Variants in GABRB2 observed in about 807,000 individuals in gnomAD.
The protein encoded by GABRB2 is gamma-aminobutyric acid type A receptor subunit beta2.
In GABRB2, 16 loss-of-function variants were observed where a neutral mutation model predicts 54.7. The ratio of observed to expected loss-of-function variants is 0.29; its 90% CI spans 0.20 to 0.44. GABRB2 has a LOEUF of 0.44. Among genes scored for constraint, GABRB2 ranks in the 20% least tolerant of loss-of-function variants. The probability of loss-of-function intolerance (pLI) is 1.00; values close to 1 mark genes in which losing one functional copy is unlikely to be tolerated. For synonymous variants in GABRB2, 244 were observed against 233.8 expected (o/e 1.04, Z -0.40); for missense variants, 355 against 644.0 (o/e 0.55, Z 4.86).
At chr5:161,314,267 C>T (rs961543037) in intron 9 of GABRB2, among the ~76,000 whole-genome samples, 1 of 152,216 alleles carries the variant, frequency 6.6e-6, no homozygotes, top group Non-Finnish European at 1.5e-5. Context: ...TTTAGGGAGC[C>T]ACAGTAGGTA....
intron 9 of GABRB2, among the ~76,000 whole-genome samples, chr5:161,304,668 C>A (rs1179651622): frequency 1.4e-5 from 2 of 143,736 alleles, no homozygotes; most frequent in Non-Finnish European, 3.0e-5. Context: ...GGTAAATAAA[C>A]TATAGATCAC....
At chr5:161,294,763 T>C (rs1179097868) in intron 9 of GABRB2, among the ~76,000 whole-genome samples, 2 of 152,228 alleles carry the variant, frequency 1.3e-5, no homozygotes, top group Non-Finnish European at 2.9e-5. Flanking sequence ...GAATTTATAG[T>C]CTTGATATGA....
intron 4 of GABRB2, among the ~76,000 whole-genome samples, chr5:161,430,728 T>C (rs1024978133): frequency 6.6e-6 from 1 of 152,162 alleles, no homozygotes; most frequent in African/African-American, 2.4e-5. Context: ...GATGTTCTGA[T>C]GTGAGTACTT....
chr5:161,448,891 T>C (rs543880215), intron 4 of GABRB2, among the ~76,000 whole-genome samples: 8 of 152,250 alleles, frequency 5.3e-5, no homozygotes, highest in South Asian at 2.1e-4. Flanking sequence ...AGAAAAGCAA[T>C]GGGCCAGCCA....
intron 5 of GABRB2, among the ~76,000 whole-genome samples, chr5:161,366,714 G>A (rs1754983807): frequency 6.6e-6 from 1 of 152,186 alleles, no homozygotes; most frequent in Non-Finnish European, 1.5e-5. Context: ...GGGAGGATGA[G>A]GTGGGTGGAT....
At chr5:161,389,615 CAG>C (rs769492071) in intron 5 of GABRB2, among the ~76,000 whole-genome samples, 1 of 148,892 alleles carries the variant, frequency 6.7e-6, no homozygotes, top group African/African-American at 2.5e-5. Context: ...GAGACAGAAA[CAG>C]AGAGAAAGAG....
At chr5:161,411,901 A>G (rs2113117121) in intron 4 of GABRB2, among the ~76,000 whole-genome samples, 1 of 152,300 alleles carries the variant, frequency 6.6e-6, no homozygotes, top group African/African-American at 2.4e-5. Flanking sequence ...GTTTTAAAAC[A>G]TTCCAAATGT....
chr5:161,344,743 G>T (rs577035488), intron 5 of GABRB2, among the ~76,000 whole-genome samples: 1 of 151,948 alleles, frequency 6.6e-6, no homozygotes, highest in African/African-American at 2.4e-5. Flanking sequence ...ACACATGTAC[G>T]CATATGTTTA....
intron 4 of GABRB2, among the ~76,000 whole-genome samples, chr5:161,444,373 A>T (rs1432765043): frequency 6.6e-6 from 1 of 152,168 alleles, no homozygotes. Flanking sequence ...TGAAGTTCTG[A>T]GACATGTTTC....
intron 5 of GABRB2, among the ~76,000 whole-genome samples, chr5:161,343,819 T>C (rs1038391541): frequency 6.6e-6 from 1 of 152,142 alleles, no homozygotes; most frequent in Non-Finnish European, 1.5e-5. Flanking sequence ...AACCTTGATT[T>C]GTCCATATGC....
At chr5:161,484,715 T>C (rs1310200772) in intron 3 of GABRB2, among the ~76,000 whole-genome samples, 1 of 152,008 alleles carries the variant, frequency 6.6e-6, no homozygotes, top group Non-Finnish European at 1.5e-5. Context: ...ATTGTCTCTA[T>C]CTCACAGCCT....
chr5:161,539,979 T>G (rs1012715393), intron 3 of GABRB2, among the ~76,000 whole-genome samples: 1 of 152,212 alleles, frequency 6.6e-6, no homozygotes, highest in Admixed American at 6.5e-5. Context: ...CTTGGCTCCA[T>G]GTTAATGGCT....
intron 4 of GABRB2, among the ~76,000 whole-genome samples, chr5:161,435,801 G>T (rs954956668): frequency 6.6e-6 from 1 of 152,130 alleles, no homozygotes; most frequent in Non-Finnish European, 1.5e-5. Context: ...TATAGTAGAC[G>T]TGGAACAGTA....
rs1011855478 is a variant in GABRB2 at position 161,291,835 on chromosome 5, A to T, written c.*2246T>A. On this transcript the variant is annotated 3_prime_UTR_variant, in exon 10 of 10. Coordinates refer to ENST00000393959, the MANE Select transcript of GABRB2 (RefSeq NM_001371727.1). ...GAGCCTTTTCAGAATGGCATTTTGGAGTTGTGCCCCTGAGTTATCAATATG... is the reference window on the plus strand; with the variant it reads ...GAGCCTTTTCAGAATGGCATTTTGGTGTTGTGCCCCTGAGTTATCAATATG... The T allele has an allele frequency of 6.6e-6, 1 of 152,474 alleles. No homozygotes were observed. The highest frequency in any genetic ancestry group is 1.5e-5 in the Non-Finnish European group (1 of 68,004). 9.4% of individuals were successfully genotyped at this position (152,474 alleles called of 1,614,324 possible).
At chr5:161,535,712 A>G (rs1760612291) in intron 3 of GABRB2, among the ~76,000 whole-genome samples, 1 of 152,174 alleles carries the variant, frequency 6.6e-6, no homozygotes, top group South Asian at 2.1e-4. Context: ...TTAACACAAT[A>G]CCTGCACAAG....
chr5:161,530,797 T>G (rs1002433870), intron 3 of GABRB2, among the ~76,000 whole-genome samples: 4 of 152,110 alleles, frequency 2.6e-5, no homozygotes, highest in African/African-American at 7.2e-5. Context: ...AAAGAATGGT[T>G]TGCTACACAT....
chr5:161,449,587 C>A (rs116269845), intron 4 of GABRB2, among the ~76,000 whole-genome samples: 1 of 152,124 alleles, frequency 6.6e-6, no homozygotes. Flanking sequence ...ATTAAACCAA[C>A]GCTGAGAACA....
At chr5:161,364,373 T>C (rs1172222526) in intron 5 of GABRB2, among the ~76,000 whole-genome samples, 1 of 152,242 alleles carries the variant, frequency 6.6e-6, no homozygotes. Flanking sequence ...GGGTTTTTTC[T>C]GTTTTGTTCA....
At chr5:161,308,543 C>G (rs1391417734) in intron 9 of GABRB2, among the ~76,000 whole-genome samples, 1 of 152,096 alleles carries the variant, frequency 6.6e-6, no homozygotes, top group Non-Finnish European at 1.5e-5. Flanking sequence ...AAAAAGGAGC[C>G]CAAATAGCCA....
Sources: allele counts gnomAD v4.1 joint callset (sites outside exome capture counted in the v4.1 genomes callset), GRCh38; gene constraint gnomAD v4.1.1; transcripts MANE v1.5; gene names NCBI Gene and HGNC (gene_info 2026-07-23, HGNC 2026-07-21).